FNTA: variants seen among roughly 807,000 people sequenced by gnomAD.
FNTA encodes the protein farnesyltransferase, CAAX box, subunit alpha, also known as protein farnesyltransferase/geranylgeranyltransferase type-1 subunit alpha.
In FNTA, 27 loss-of-function variants were observed where a neutral mutation model predicts 55.2. The observed-to-expected ratio is 0.49, with a 90% CI of 0.36 to 0.67. The LOEUF is 0.67. Ranked by LOEUF, FNTA falls within the 30% of genes least tolerant of loss-of-function variation. The probability of loss-of-function intolerance (pLI) is 0.00; values close to 1 mark genes in which losing one functional copy is unlikely to be tolerated. For synonymous variants in FNTA, 176 were observed against 170.7 expected, an observed-to-expected ratio of 1.03 and a Z score of -0.24; for missense variants, 422 against 464.7, an observed-to-expected ratio of 0.91 and a Z score of 0.85.
At chr8:43,063,813 A>C (rs1409577533) in intron 2 of FNTA, among the ~76,000 whole-genome samples, 1 of 152,138 alleles carries the variant, frequency 6.6e-6, no homozygotes. Context: ...ATGCAACCCT[A>C]ATTTTTCTTT....
chr8:43,062,702 A>C (rs1457708367), intron 2 of FNTA, among the ~76,000 whole-genome samples: 1 of 152,142 alleles, frequency 6.6e-6, no homozygotes, highest in Non-Finnish European at 1.5e-5. Context: ...AAAGGAAAAA[A>C]CTGTTTCTCT....
In FNTA at chr8:43,056,362, G is replaced by C. The variant is rs1168957551; in HGVS notation, c.16G>C (p.Gly6Arg). The C allele has an allele frequency of 6.3e-6, 9 of 1,431,566 alleles. No individual in the cohort carries two copies. The highest frequency in any genetic ancestry group is 6.4e-6 in the Non-Finnish European group (7 of 1,098,882). 88.7% of individuals were successfully genotyped at this position (1,431,566 alleles called of 1,614,324 possible). A position where few individuals can be genotyped will look rare whatever the true frequency, so the allele number is the denominator to read the frequency against. Reference sequence around the variant, plus strand: ...CCGAGGCGAGATGGCGGCCACCGAGGGGGTCGGGGAGGCTGCGCAAGGGGG... The same window carrying C: ...CCGAGGCGAGATGGCGGCCACCGAGCGGGTCGGGGAGGCTGCGCAAGGGGG... MAATE[G>R]VGEAAQGGEP... Residue 6 changes from glycine (G) to arginine (R), a missense_variant, in exon 1 of 9, where the codon GGG becomes CGG. Around this residue, in one of 2 missense-constraint regions of FNTA, gnomAD observed 160 missense variants for 121.6 expected, o/e 1.32. Transcript: ENST00000302279.
At chr8:43,072,111 AC>A (rs1216453178) in intron 4 of FNTA, 69 bp from the exon 5 acceptor site, 1 of 1,227,866 alleles carries the variant, frequency 8.1e-7, no homozygotes, top group African/African-American at 1.6e-5. Context: ...CACCTTTACA[AC>A]ATGTGCAACT....
At position 43,067,372 on chromosome 8, in the gene FNTA, G is replaced by T. The variant is rs943100053; in HGVS notation, c.402-2183G>T. On this transcript the variant is annotated intron_variant, in intron 3 of 8. Transcript: ENST00000302279. Reference sequence around the variant, plus strand: ...CCCATAATGTTGTTGACCTCTTCCAGTTGCCGTGGTATCTTTGCCCCGATT... The same window carrying T: ...CCCATAATGTTGTTGACCTCTTCCATTTGCCGTGGTATCTTTGCCCCGATT... Among the ~76,000 whole-genome samples the T allele has an allele frequency of 1.1e-3, 165 of 152,148 alleles. 1 individual carries two copies. Among genetic ancestry groups the T allele is most frequent in the Non-Finnish European group, 2.2e-4 (15 of 68,028 alleles).
chr8:43,076,004 C>T lies in FNTA; in HGVS notation c.634-1212C>T, dbSNP rs556875163. On this transcript the variant is annotated intron_variant, in intron 5 of 8. Transcript: ENST00000302279. ...TTCAGCCTCCTGAGTAGCTGGGATT[C>T]TAGGCATGTGCCACGATGCCCGACT... Among the ~76,000 whole-genome samples, 8 of 151,630 alleles carry T rather than the reference C, an allele frequency of 5.3e-5. No homozygotes were observed. In the East Asian group the frequency reaches 1.6e-3, roughly 29 times the overall value.
At chr8:43,063,399 A>G in intron 2 of FNTA, 1 of 435,236 alleles carries the variant, frequency 2.3e-6, no homozygotes, top group Non-Finnish European at 4.6e-6. Flanking sequence ...TTGCACACAT[A>G]TGGGAGTATA....
intron 2 of FNTA, among the ~76,000 whole-genome samples, chr8:43,060,889 CG>C (rs1810515798): frequency 6.6e-6 from 1 of 151,938 alleles, no homozygotes; most frequent in Admixed American, 6.6e-5. Flanking sequence ...AAAACTGAGA[CG>C]TTTTTACAAC....
intron 5 of FNTA, among the ~76,000 whole-genome samples, chr8:43,075,512 T>C (rs572018633): frequency 1.3e-5 from 2 of 152,126 alleles, no homozygotes. Flanking sequence ...AAGAGAGCTT[T>C]ATAATATAAA....
At position 43,064,156 on chromosome 8, in the gene FNTA, A is replaced by G. The variant is rs150424879; in HGVS notation, c.342A>G (p.Glu114=). 5.9e-5 allele frequency: 95 copies of G among 1,614,040 alleles called. No individual in the cohort carries two copies. Among genetic ancestry groups the G allele is most frequent in the Non-Finnish European group, 6.6e-5 (78 of 1,179,994 alleles). Residue 114 remains glutamate (E), a synonymous_variant, in exon 3 of 9, where the codon GAA becomes GAG. Transcript: ENST00000302279. ...TCCTGCAGCGTGATGAAAGAAGTGA[A>G]CGAGCTTTTAAGCTAACCCGGGATG... ...RAVLQRDERS[E]RAFKLTRDAI...
intron 3 of FNTA, among the ~76,000 whole-genome samples, chr8:43,068,961 C>T (rs1180067526): frequency 6.6e-6 from 1 of 152,180 alleles, no homozygotes; most frequent in East Asian, 1.9e-4. Context: ...ACCCACCTGC[C>T]TCAGCCTCTC....
At chr8:43,081,139 C>G (rs1241085878) in intron 6 of FNTA, 2 of 151,218 alleles carry the variant, frequency 1.3e-5, no homozygotes, top group South Asian at 2.1e-4. Context: ...AAAAGTAATG[C>G]AATGTAGTTA....
intron 5 of FNTA, among the ~76,000 whole-genome samples, chr8:43,073,975 T>C (rs903754583): frequency 2.0e-5 from 3 of 152,204 alleles, no homozygotes; most frequent in African/African-American, 7.2e-5. Context: ...TGACCTAAAA[T>C]GGGACTATGA....
intron 3 of FNTA, among the ~76,000 whole-genome samples, chr8:43,065,770 C>G (rs554127480): frequency 6.6e-6 from 1 of 151,280 alleles, no homozygotes; most frequent in African/African-American, 2.5e-5. Flanking sequence ...TGTCCTAGAT[C>G]GTATACCTTT....
At chr8:43,083,777 CAAGAG>C (rs1468310442) in intron 7 of FNTA, among the ~76,000 whole-genome samples, 4 of 152,136 alleles carry the variant, frequency 2.6e-5, no homozygotes, top group Non-Finnish European at 5.9e-5. Flanking sequence ...GAAGCCATCT[CAAGAG>C]AAGACGAGGG....
chr8:43,062,436 C>T (rs574886254), intron 2 of FNTA, among the ~76,000 whole-genome samples: 52 of 151,956 alleles, frequency 3.4e-4, no homozygotes, highest in African/African-American at 1.2e-3. Context: ...CATGTGTCAC[C>T]ATGCCCAGCT....
intron 4 of FNTA, among the ~76,000 whole-genome samples, chr8:43,071,927 A>G (rs1810802026): frequency 6.6e-6 from 1 of 152,212 alleles, no homozygotes; most frequent in Non-Finnish European, 1.5e-5. Flanking sequence ...TATACAATCT[A>G]GTAATGTTTC....
chr8:43,068,383 C>G (rs554508647), intron 3 of FNTA, among the ~76,000 whole-genome samples: 1 of 152,264 alleles, frequency 6.6e-6, no homozygotes, highest in East Asian at 1.9e-4. Context: ...CCAGAACTAA[C>G]GACGTCTTTA....
intron 1 of FNTA, among the ~76,000 whole-genome samples, chr8:43,057,956 C>CAAA (rs71550440): frequency 1.4e-5 from 1 of 69,384 alleles, no homozygotes; most frequent in African/African-American, 5.3e-5. Context: ...GACTCCATCT[C>CAAA]AAAAAAAAAA....
intron 2 of FNTA, among the ~76,000 whole-genome samples, chr8:43,063,004 A>G (rs980053708): frequency 6.6e-6 from 1 of 152,126 alleles, no homozygotes; most frequent in South Asian, 2.1e-4. Flanking sequence ...CGTGGTCTCA[A>G]ACTCTTGGGC....
Sources: allele counts gnomAD v4.1 joint callset (sites outside exome capture counted in the v4.1 genomes callset), GRCh38; gene constraint gnomAD v4.1.1; regional missense constraint gnomAD v4.1.1; transcripts MANE v1.5; gene names NCBI Gene and HGNC (gene_info 2026-07-23, HGNC 2026-07-21).